The following RSU1 variants were observed in gnomAD, a reference collection of about 807,000 sequenced individuals.
RSU1 encodes the protein rsu-1.
Under a neutral mutation model 31.1 loss-of-function variants are expected in RSU1, and 26 were observed. The ratio of observed to expected loss-of-function variants is 0.84; its 90% CI spans 0.61 to 1.16. The LOEUF is 1.16. Ranked by LOEUF, RSU1 falls within the 50% of genes most tolerant of loss-of-function variation. The pLI is 0.00. For missense variants in RSU1, 320 were observed against 339.1 expected (o/e 0.94, Z 0.44); for synonymous variants, 164 against 136.3 (o/e 1.20, Z -1.41).
chr10:16,787,725 TCTTC>T (rs1837824104), intron 2 of RSU1, among the ~76,000 whole-genome samples: 1 of 152,208 alleles, frequency 6.6e-6, no homozygotes, highest in Admixed American at 6.5e-5. Context: ...GTCCCTTTGC[TCTTC>T]CTTCATCTCC....
intron 7 of RSU1, among the ~76,000 whole-genome samples, chr10:16,728,246 C>T (rs750684620): frequency 7.9e-5 from 12 of 152,080 alleles, no homozygotes; most frequent in South Asian, 6.2e-4. Context: ...TGTCAAAATA[C>T]GTCATAAAAG....
At chr10:16,658,310 A>C (rs1834827398) in intron 8 of RSU1, among the ~76,000 whole-genome samples, 1 of 152,244 alleles carries the variant, frequency 6.6e-6, no homozygotes. Flanking sequence ...AGATAAACAA[A>C]ACTGGTATCC....
chr10:16,746,665 CTTTTTTTTTTT>C (rs535857942), intron 7 of RSU1, among the ~76,000 whole-genome samples: 7 of 101,852 alleles, frequency 6.9e-5, no homozygotes, highest in South Asian at 3.5e-4. Context: ...TCCCAAATCA[CTTTTTTTTTTT>C]TTTTTTTTTT....
chr10:16,705,474 G>GT (rs921486144), intron 7 of RSU1, among the ~76,000 whole-genome samples: 6 of 151,460 alleles, frequency 4.0e-5, no homozygotes, highest in Non-Finnish European at 5.9e-5. Context: ...TGCTATTTTT[G>GT]TTTTTTTTCC....
intron 8 of RSU1, among the ~76,000 whole-genome samples, chr10:16,667,619 C>T (rs944611153): frequency 1.1e-4 from 17 of 152,058 alleles, no homozygotes; most frequent in Non-Finnish European, 2.4e-4. Flanking sequence ...TCCCAAGTAG[C>T]TGGGATTACA....
chr10:16,757,157 A>AT (rs956839532), intron 4 of RSU1, among the ~76,000 whole-genome samples: 1 of 151,254 alleles, frequency 6.6e-6, no homozygotes, highest in African/African-American at 2.4e-5. Context: ...GTCTAAGGGA[A>AT]TTTTTTTCTA....
At chr10:16,783,356 A>G (rs1837697877) in intron 2 of RSU1, among the ~76,000 whole-genome samples, 1 of 104,746 alleles carries the variant, frequency 9.5e-6, no homozygotes, top group Admixed American at 8.7e-5. Flanking sequence ...TACTGACCAC[A>G]ACTTTTGCTT....
chr10:16,590,865 T>C lies in RSU1; in HGVS notation c.*2529A>G, dbSNP rs375993708. 1 of 152,244 alleles carries C rather than the reference T, an allele frequency of 6.6e-6. No homozygotes were observed. The highest frequency in any genetic ancestry group is 6.5e-5 in the Admixed American group (1 of 15,282). The allele number at this position is 152,244 out of a possible 1,614,324, so 9.4% of individuals were successfully genotyped here. On this transcript the variant is annotated 3_prime_UTR_variant, in exon 9 of 9. Transcript: ENST00000345264. Reference sequence around the variant, plus strand: ...AGTTAGTTTTAAAAATCTTGCTTTTTCTGTTTAATCAGATGTTATGATTCT... The same window carrying C: ...AGTTAGTTTTAAAAATCTTGCTTTTCCTGTTTAATCAGATGTTATGATTCT...
chr10:16,806,815 G>A (rs759840600), intron 2 of RSU1, among the ~76,000 whole-genome samples: 6 of 152,106 alleles, frequency 3.9e-5, no homozygotes, highest in Non-Finnish European at 5.9e-5. Context: ...GTACAATGGC[G>A]TGATCTTAGC....
intron 8 of RSU1, among the ~76,000 whole-genome samples, chr10:16,625,181 A>G (rs1192494756): frequency 6.6e-6 from 1 of 152,176 alleles, no homozygotes; most frequent in Non-Finnish European, 1.5e-5. Flanking sequence ...CTTTTCATGT[A>G]AGCTGAAGGA....
chr10:16,717,607 A>C (rs17139066), intron 7 of RSU1, among the ~76,000 whole-genome samples: 1,983 of 152,334 alleles, frequency 0.013, 44 homozygotes, highest in African/African-American at 0.046. Context: ...GGACTGGAGA[A>C]ATCTGAGAAA....
At chr10:16,627,731 T>C (rs1333049244) in intron 8 of RSU1, among the ~76,000 whole-genome samples, 1 of 128,218 alleles carries the variant, frequency 7.8e-6, no homozygotes, top group African/African-American at 3.2e-5. Flanking sequence ...CCCTCCGGCC[T>C]GGGCAACAAG....
intron 3 of RSU1, among the ~76,000 whole-genome samples, chr10:16,775,517 T>C (rs1178937826): frequency 1.3e-5 from 2 of 148,354 alleles, no homozygotes; most frequent in Non-Finnish European, 3.0e-5. Context: ...ACAAAAGGAA[T>C]GGGGGTGGGG....
intron 8 of RSU1, among the ~76,000 whole-genome samples, chr10:16,682,301 G>C (rs1361836268): frequency 6.6e-6 from 1 of 152,118 alleles, no homozygotes; most frequent in Admixed American, 6.5e-5. Context: ...CAGGCAGCTA[G>C]GCATTCCTAG....
chr10:16,673,039 A>G (rs554301685), intron 8 of RSU1, among the ~76,000 whole-genome samples: 3 of 152,204 alleles, frequency 2.0e-5, no homozygotes, highest in Admixed American at 6.5e-5. Flanking sequence ...AGAACCTAGC[A>G]TGTCTCCTAG....
intron 8 of RSU1, among the ~76,000 whole-genome samples, chr10:16,618,869 C>T (rs1365317127): frequency 2.6e-5 from 4 of 152,256 alleles, no homozygotes; most frequent in East Asian, 3.9e-4. Context: ...GTACAAATAC[C>T]TAATGCATGT....
At position 16,661,350 on chromosome 10, in the gene RSU1, T is replaced by A. The variant is rs974617242; in HGVS notation, c.731+33673A>T. ...TGTGTAAGTATTTATGATGACTTCA[T>A]ATCAGTTGAATCTGTAGGAATCCTT... On this transcript the variant is annotated intron_variant, in intron 8 of 8. Transcript: ENST00000345264. Among the ~76,000 whole-genome samples, 28 of 151,304 alleles carry A rather than the reference T, an allele frequency of 1.9e-4. No homozygotes were observed. The Middle Eastern group carries it at 0.01, about 55-fold the overall frequency.
chr10:16,784,392 G>C (rs1837725861), intron 2 of RSU1, among the ~76,000 whole-genome samples: 1 of 152,150 alleles, frequency 6.6e-6, no homozygotes, highest in African/African-American at 2.4e-5. Context: ...AGAAACACCT[G>C]AGACTGAGTA....
At chr10:16,695,228 A>C in intron 7 of RSU1, 73 bp from the exon 8 acceptor site, 2 of 1,431,536 alleles carry the variant, frequency 1.4e-6, no homozygotes, top group South Asian at 1.3e-5. Flanking sequence ...CCTTCTCAGT[A>C]ATCACAGCCT....
Sources: allele counts gnomAD v4.1 joint callset (sites outside exome capture counted in the v4.1 genomes callset), GRCh38; gene constraint gnomAD v4.1.1; transcripts MANE v1.5; gene names NCBI Gene and HGNC (gene_info 2026-07-23, HGNC 2026-07-21).